Variants in ABCC4 observed in about 807,000 individuals in gnomAD.
ABCC4 encodes the protein ATP-binding cassette sub-family C member 4.
A neutral mutation model predicts 168.5 loss-of-function variants in ABCC4; 102 were observed. The ratio of observed to expected loss-of-function variants is 0.61; its 90% CI spans 0.52 to 0.71. The LOEUF is 0.71. ABCC4 is among the 30% of genes least tolerant of loss of function. The pLI is 0.00. For missense variants in ABCC4, 1,402 were observed against 1,605.8 expected (o/e 0.87, Z 2.17); for synonymous variants, 617 against 590.7 (o/e 1.04, Z -0.65).
At chr13:95,027,730 C>G (rs2031618611) in intron 30 of ABCC4, among the ~76,000 whole-genome samples, 1 of 152,054 alleles carries the variant, frequency 6.6e-6, no homozygotes, top group South Asian at 2.1e-4. Context: ...AAAAGGAACA[C>G]ATGCAAAACA....
In ABCC4 at chr13:95,243,337, C is replaced by A. The variant is rs142947556; in HGVS notation, c.306+3638G>T. On this transcript the variant is annotated intron_variant, in intron 3 of 30. Coordinates refer to ENST00000645237, the MANE Select transcript of ABCC4 (RefSeq NM_005845.5). ...ACTTCACGATTCAGGCCAAAGGCTTCTGAAACTGCAGAGATATCATTGCTA... is the reference window on the plus strand; with the variant it reads ...ACTTCACGATTCAGGCCAAAGGCTTATGAAACTGCAGAGATATCATTGCTA... 2.0e-3 allele frequency among the ~76,000 whole-genome samples: 312 copies of A among 152,314 alleles called. 1 individual carries two copies. The highest frequency in any genetic ancestry group is 7.1e-3 in the African/African-American group (293 of 41,550).
chr13:95,161,364 C>A, intron 18 of ABCC4, 29 bp from the exon 19 acceptor site: 1 of 1,504,938 alleles, frequency 6.6e-7, no homozygotes, highest in Non-Finnish European at 8.9e-7. Context: ...ACTTAGAGAA[C>A]ACAGCATATC....
At chr13:95,259,412 G>A (rs1185962297) in intron 1 of ABCC4, among the ~76,000 whole-genome samples, 5 of 150,900 alleles carry the variant, frequency 3.3e-5, no homozygotes, top group Admixed American at 6.6e-5. Flanking sequence ...AAAAAGAAAC[G>A]CCTTCCCCTA....
Position 95,177,760 on chromosome 13 carries a change from C to T in ABCC4, c.1674G>A (p.Leu558=). ...CATCTACTGCACTGAGAGGATCGTC[C>T]AGGAGATAGATGTCAGCATCTTGAT... ...AVYQDADIYL[L]DDPLSAVDAE... is the part of the protein sequence containing the mutation. Residue 558 remains leucine, a synonymous_variant, in exon 13 of 31, where the codon CTG becomes CTA. Transcript: ENST00000645237. The T allele has an allele frequency of 6.2e-7, 1 of 1,611,806 alleles. No individual in the cohort carries two copies. Among genetic ancestry groups the T allele is most frequent in the African/African-American group, 1.3e-5 (1 of 74,996 alleles).
chr13:95,189,316 G>A (rs1421287617), intron 9 of ABCC4, among the ~76,000 whole-genome samples: 1 of 150,562 alleles, frequency 6.6e-6, no homozygotes, highest in Non-Finnish European at 1.5e-5. Flanking sequence ...TGTATTTTTA[G>A]TAGAGACGGG....
chr13:95,122,499 T>A (rs1230290239), intron 19 of ABCC4, among the ~76,000 whole-genome samples: 1 of 152,190 alleles, frequency 6.6e-6, no homozygotes, highest in South Asian at 2.1e-4. Context: ...ACATCCTTAT[T>A]TATTCATCTG....
intron 30 of ABCC4, among the ~76,000 whole-genome samples, chr13:95,024,852 T>TA (rs969227964): frequency 3.3e-5 from 5 of 152,044 alleles, no homozygotes; most frequent in African/African-American, 4.8e-5. Flanking sequence ...TATTCATTAA[T>TA]AAAAAATAAG....
In ABCC4 at chr13:95,244,670, A is replaced by AAAGAAATCAATC. The variant is rs72377318; in HGVS notation, c.306+2304_306+2305insGATTGATTTCTT. On this transcript the variant is annotated intron_variant, in intron 3 of 30. Transcript: ENST00000645237. ...GAAAGAAAGAAAGAAAGAAAGAAAGAAATCATAGCAGTTCCTGGTACATAG... is the reference window on the plus strand; with the variant it reads ...GAAAGAAAGAAAGAAAGAAAGAAAGAAAGAAATCAATCAATCATAGCAGTTCCTGGTACATAG... Among the ~76,000 whole-genome samples, 362 of 106,412 alleles carry AAAGAAATCAATC rather than the reference A, an allele frequency of 3.4e-3. 13 individuals are homozygous for AAAGAAATCAATC. Among genetic ancestry groups the AAAGAAATCAATC allele is most frequent in the Non-Finnish European group, 5.1e-3 (246 of 48,696 alleles). The allele number at this position is 106,412 out of a possible 152,430, so 69.8% of individuals were successfully genotyped here.
chr13:95,113,421 T>C (rs1016333585), intron 20 of ABCC4, among the ~76,000 whole-genome samples: 4 of 152,168 alleles, frequency 2.6e-5, no homozygotes, highest in African/African-American at 7.2e-5. Flanking sequence ...GGAAAATGAA[T>C]TGAATATAAT....
intron 30 of ABCC4, among the ~76,000 whole-genome samples, chr13:95,029,365 G>T (rs1030502733): frequency 6.6e-6 from 1 of 150,960 alleles, no homozygotes; most frequent in Non-Finnish European, 1.5e-5. Flanking sequence ...GTGAAAAACC[G>T]TAAAGAATAG....
intron 1 of ABCC4, among the ~76,000 whole-genome samples, chr13:95,285,542 T>A (rs2041237336): frequency 6.6e-6 from 1 of 152,162 alleles, no homozygotes; most frequent in Non-Finnish European, 1.5e-5. Flanking sequence ...AGAGCGGGAC[T>A]CCATCTCAAA....
intron 29 of ABCC4, among the ~76,000 whole-genome samples, chr13:95,038,580 G>C (rs1341964353): frequency 6.6e-6 from 1 of 152,084 alleles, no homozygotes; most frequent in Non-Finnish European, 1.5e-5. Flanking sequence ...TGGAGGTGAG[G>C]GGTGGGAGGA....
At chr13:95,152,333 T>C (rs1257211215) in intron 19 of ABCC4, among the ~76,000 whole-genome samples, 3 of 152,260 alleles carry the variant, frequency 2.0e-5, no homozygotes, top group African/African-American at 4.8e-5. Context: ...TAAAGTCCCA[T>C]TGTTCTTTAT....
chr13:95,108,791 T>C (rs192091043), intron 20 of ABCC4, among the ~76,000 whole-genome samples: 3 of 152,192 alleles, frequency 2.0e-5, no homozygotes, highest in Admixed American at 2.0e-4. Context: ...CTGCTCATGC[T>C]TGGCATCTCT....
At chr13:95,058,567 C>CAAAAAAAAAAAAAAAAAAA (rs1165324016) in intron 26 of ABCC4, among the ~76,000 whole-genome samples, 1 of 62,792 alleles carries the variant, frequency 1.6e-5, no homozygotes, top group African/African-American at 5.7e-5. Flanking sequence ...GACTCCATCT[C>CAAAAAAAAAAAAAAAAAAA]AAAAAAAAAA....
intron 4 of ABCC4, among the ~76,000 whole-genome samples, chr13:95,222,427 A>AGCAAAGGG (rs2039334119): frequency 6.6e-6 from 1 of 152,174 alleles, no homozygotes; most frequent in Non-Finnish European, 1.5e-5. Flanking sequence ...AGCCCTGCTG[A>AGCAAAGGG]GCAAAGGGGT....
At chr13:95,203,857 A>G (rs1438661996) in intron 8 of ABCC4, among the ~76,000 whole-genome samples, 1 of 152,168 alleles carries the variant, frequency 6.6e-6, no homozygotes, top group African/African-American at 2.4e-5. Flanking sequence ...TTCTGGGAAT[A>G]TTCAACTCGA....
chr13:95,131,604 G>A (rs1405499361), intron 19 of ABCC4, among the ~76,000 whole-genome samples: 1 of 152,114 alleles, frequency 6.6e-6, no homozygotes, highest in African/African-American at 2.4e-5. Flanking sequence ...ACTCCTGCCT[G>A]GGCAACAGAG....
chr13:95,214,236 T>C (rs927943180), intron 4 of ABCC4, among the ~76,000 whole-genome samples: 1 of 151,912 alleles, frequency 6.6e-6, no homozygotes, highest in Non-Finnish European at 1.5e-5. Context: ...ACAACTGAAA[T>C]CTGAAGAACA....
Sources: allele counts gnomAD v4.1 joint callset (sites outside exome capture counted in the v4.1 genomes callset), GRCh38; gene constraint gnomAD v4.1.1; transcripts MANE v1.5; gene names NCBI Gene and HGNC (gene_info 2026-07-23, HGNC 2026-07-21).